Variants in PKP4 observed in about 807,000 individuals in gnomAD.
PKP4 encodes the protein plakophilin 4, also known as plakophilin-4.
PKP4 carries 90 observed loss-of-function variants against 145.1 expected under a neutral mutation model. The ratio of observed to expected loss-of-function variants is 0.62; its 90% CI spans 0.52 to 0.74. PKP4 has a LOEUF of 0.74. PKP4 is among the 30% of genes least tolerant of loss of function. PKP4 has a pLI of 0.00. For synonymous variants in PKP4, 563 were observed against 577.2 expected (o/e 0.98, Z 0.35); for missense variants, 1,340 against 1,482.7 (o/e 0.90, Z 1.58).
At chr2:158,621,501 T>C in intron 6 of PKP4, 80 bp downstream of exon 6, 1 of 1,245,474 alleles carries the variant, frequency 8.0e-7, no homozygotes, top group South Asian at 1.3e-5. Context: ...ATCCCAGCAT[T>C]TTGGGAGGCC....
At chr2:158,665,717 T>C (rs1471705537) in intron 15 of PKP4, 2 of 152,236 alleles carry the variant, frequency 1.3e-5, no homozygotes, top group Non-Finnish European at 2.9e-5. Flanking sequence ...TTATAAGATA[T>C]ACAAACTGAC....
At chr2:158,590,599 GT>G (rs2049187633) in intron 3 of PKP4, among the ~76,000 whole-genome samples, 1 of 151,842 alleles carries the variant, frequency 6.6e-6, no homozygotes, top group African/African-American at 2.4e-5. Context: ...AAGTGTATCT[GT>G]TTTCTGAACA....
At chr2:158,624,456 C>G (rs2052557319) in intron 6 of PKP4, among the ~76,000 whole-genome samples, 1 of 152,146 alleles carries the variant, frequency 6.6e-6, no homozygotes, top group Non-Finnish European at 1.5e-5. Flanking sequence ...TACATAAATG[C>G]ATTGCCTTGG....
At chr2:158,548,954 T>C (rs2045336762) in intron 2 of PKP4, 1 of 171,802 alleles carries the variant, frequency 5.8e-6, no homozygotes, top group East Asian at 1.8e-4. Flanking sequence ...TGTCCTAAAA[T>C]GGGGGTCCTT....
intron 1 of PKP4, among the ~76,000 whole-genome samples, chr2:158,509,164 G>T (rs1164893250): frequency 6.6e-6 from 1 of 151,392 alleles, no homozygotes. Context: ...TTTGAGATTT[G>T]ATTATATCAC....
chr2:158,481,840 C>T (rs1693399177), intron 1 of PKP4, among the ~76,000 whole-genome samples: 1 of 152,170 alleles, frequency 6.6e-6, no homozygotes. Flanking sequence ...TTGACTGCCA[C>T]ATAAGACATA....
rs1688853974 is a variant in PKP4 at position 158,457,087 on chromosome 2, G to A, written c.-137G>A. 1 of 147,740 alleles carries A rather than the reference G, an allele frequency of 6.8e-6. No homozygotes were observed. The highest frequency in any genetic ancestry group is 2.1e-4 in the South Asian group (1 of 4,696). The allele number at this position is 147,740 out of a possible 1,614,324, so 9.2% of individuals were successfully genotyped here. A position where few individuals can be genotyped will look rare whatever the true frequency, so the allele number is the denominator to read the frequency against. On this transcript the variant is annotated 5_prime_UTR_variant, in exon 1 of 22. In the 5' UTR this introduces an upstream ATG that the reference lacks. Transcript: ENST00000389759. ...AGAGCCGCTCCGGGGGCGGGGGCCG[G>A]TGGGGGAGGGAGGGGCGGGCAGCCG...
intron 1 of PKP4, among the ~76,000 whole-genome samples, chr2:158,475,985 A>G (rs745359145): frequency 2.6e-5 from 4 of 152,228 alleles, no homozygotes; most frequent in Non-Finnish European, 5.9e-5. Flanking sequence ...AGCTTTCATC[A>G]GATTTTCAAA....
At position 158,457,786 on chromosome 2, in the gene PKP4, C is replaced by G. The variant is rs143463979; in HGVS notation, c.-6+568C>G. The G allele has an allele frequency of 8.8e-3, 1,350 of 153,440 alleles. 20 individuals are homozygous for G. The highest frequency in any genetic ancestry group is 0.03 in the African/African-American group (1,240 of 41,578). 9.5% of individuals were successfully genotyped at this position (153,440 alleles called of 1,614,324 possible). The stretch of plus-strand genomic sequence containing the variant: ...TGTCCCCGAAGTCCTGTACTCCTTG[C>G]CGGTCCTGCCCACCCCTCTGCCTAG... On this transcript the variant is annotated intron_variant, in intron 1 of 21. Transcript: ENST00000389759.
chr2:158,544,016 T>C (rs916587247), intron 2 of PKP4, among the ~76,000 whole-genome samples: 2 of 152,206 alleles, frequency 1.3e-5, no homozygotes, highest in African/African-American at 4.8e-5. Flanking sequence ...GAGGTGTAAA[T>C]TGATTGCTAA....
At chr2:158,651,701 T>C (rs1458574609) in intron 11 of PKP4, among the ~76,000 whole-genome samples, 1 of 151,704 alleles carries the variant, frequency 6.6e-6, no homozygotes, top group Non-Finnish European at 1.5e-5. Flanking sequence ...TTGAAAAACA[T>C]CCAAGGAGAA....
chr2:158,632,839 G>C (rs1339329037), intron 8 of PKP4, among the ~76,000 whole-genome samples: 1 of 152,106 alleles, frequency 6.6e-6, no homozygotes, highest in Non-Finnish European at 1.5e-5. Context: ...CATTAATAAA[G>C]AAATATTTCG....
Position 158,658,497 on chromosome 2 carries a change from TAAA to T in PKP4, c.2093+184_2093+186del, listed in dbSNP as rs1354121387. On this transcript the variant is annotated intron_variant, in intron 12 of 21. Transcript: ENST00000389759. ...CATCGTGAGCACAGACTTGTGGCCT[TAAA>T]GAAGTTATCTTGTAAATGACTCTTC... The T allele has an allele frequency of 8.0e-6, 4 of 501,990 alleles. No individual in the cohort carries two copies. In the East Asian group the frequency reaches 1.4e-4, roughly 17 times the overall value. The allele number at this position is 501,990 out of a possible 1,614,324, so 31.1% of individuals were successfully genotyped here. A position where few individuals can be genotyped will look rare whatever the true frequency, so the allele number is the denominator to read the frequency against.
intron 11 of PKP4, among the ~76,000 whole-genome samples, chr2:158,644,778 G>C (rs1292611608): frequency 6.6e-6 from 1 of 152,130 alleles, no homozygotes; most frequent in Non-Finnish European, 1.5e-5. Flanking sequence ...AATGGGACTG[G>C]GGGTTGTATT....
chr2:158,661,500 G>T (rs780535359), intron 13 of PKP4, 50 bp downstream of exon 13: 1 of 1,151,274 alleles, frequency 8.7e-7, no homozygotes, highest in South Asian at 1.2e-5. Flanking sequence ...TGACCATGAT[G>T]CCTGGTGCCA....
chr2:158,598,139 A>G (rs974487624), intron 3 of PKP4, among the ~76,000 whole-genome samples: 1 of 152,158 alleles, frequency 6.6e-6, no homozygotes, highest in Non-Finnish European at 1.5e-5. Context: ...TTTTTAAATA[A>G]AGCAGTAAAT....
rs1186943944 is a variant in PKP4 at position 158,602,009 on chromosome 2, T to C, written c.246-1061T>C. ...TAAGCACTCAAAAAAATACCATGAA[T>C]ATATGTCCTTTTTCTGGTTTTTTAA... On this transcript the variant is annotated intron_variant, in intron 3 of 21. Coordinates refer to ENST00000389759, the MANE Select transcript of PKP4 (RefSeq NM_003628.6). Among the ~76,000 whole-genome samples the C allele has an allele frequency of 3.3e-5, 5 of 152,302 alleles. No homozygotes were observed. In the East Asian group the frequency reaches 9.6e-4, roughly 29 times the overall value.
Position 158,669,758 on chromosome 2 carries a change from G to A in PKP4, c.2767G>A (p.Gly923Ser), listed in dbSNP as rs146222858. 771 of 1,603,228 alleles carry A rather than the reference G, an allele frequency of 4.8e-4. 1 individual carries two copies. The highest frequency in any genetic ancestry group is 6.0e-4 in the Non-Finnish European group (699 of 1,172,676). ...GCGAGACCTGGTCAACCGGCTCCCCGGCGGCAATGGCCCCAGTGTCTTGTC... is the reference window on the plus strand; with the variant it reads ...GCGAGACCTGGTCAACCGGCTCCCCAGCGGCAATGGCCCCAGTGTCTTGTC... ...AMRDLVNRLP[G>S]GNGPSVLSDE... Residue 923 changes from glycine to serine, a missense_variant, in exon 17 of 22, where the codon GGC (glycine) becomes AGC (serine). Coordinates refer to ENST00000389759, the MANE Select transcript of PKP4 (RefSeq NM_003628.6).
At chr2:158,518,688 C>T (rs1368208288) in intron 1 of PKP4, among the ~76,000 whole-genome samples, 1 of 152,186 alleles carries the variant, frequency 6.6e-6, no homozygotes, top group East Asian at 1.9e-4. Context: ...TTTTATTCAG[C>T]ATTATGGTTG....
Sources: allele counts gnomAD v4.1 joint callset (sites outside exome capture counted in the v4.1 genomes callset), GRCh38; gene constraint gnomAD v4.1.1; transcripts MANE v1.5; gene names NCBI Gene and HGNC (gene_info 2026-07-23, HGNC 2026-07-21).